Variants in KIF16B observed in about 807,000 individuals in gnomAD.
KIF16B encodes the protein kinesin-like protein KIF16B.
KIF16B carries 98 observed loss-of-function variants against 156.3 expected under a neutral mutation model. The observed-to-expected ratio is 0.63, with a 90% CI of 0.53 to 0.74. The LOEUF (loss-of-function observed/expected upper bound fraction) is 0.74. Among genes scored for constraint, KIF16B ranks in the 30% least tolerant of loss-of-function variants. The pLI, the probability that KIF16B is intolerant of heterozygous loss-of-function variation, is 0.00. For missense variants in KIF16B, 1,421 were observed against 1,606.5 expected, an observed-to-expected ratio of 0.88 and a Z score of 1.97; for synonymous variants, 564 against 583.7, an observed-to-expected ratio of 0.97 and a Z score of 0.49.
At chr20:16,290,246 G>A (rs1001804909) in intron 25 of KIF16B, among the ~76,000 whole-genome samples, 15 of 152,124 alleles carry the variant, frequency 9.9e-5, no homozygotes, top group Non-Finnish European at 8.8e-5. Context: ...TAAAAGACTC[G>A]GCCATCGAGG....
chr20:16,415,761 T>C (rs1455922628), intron 15 of KIF16B, among the ~76,000 whole-genome samples: 1 of 152,150 alleles, frequency 6.6e-6, no homozygotes, highest in African/African-American at 2.4e-5. Flanking sequence ...TACATTCACT[T>C]CAGAATTCAA....
intron 3 of KIF16B, among the ~76,000 whole-genome samples, chr20:16,525,103 C>A (rs6044071): frequency 2.6e-5 from 4 of 151,536 alleles, no homozygotes; most frequent in Admixed American, 1.3e-4. Context: ...TGCAGCAAAC[C>A]GCCATGGCAC....
Position 16,544,238 on chromosome 20 carries a change from C to T in KIF16B, c.48-15798G>A, listed in dbSNP as rs750035160. On this transcript the variant is annotated intron_variant, in intron 1 of 25. Transcript: ENST00000354981. ...TCACAAAGACCCGCCTCTGTGAGTC[C>T]TGGGCCTTGCTCATGCTGGTCCTTC... Among the ~76,000 whole-genome samples the T allele has an allele frequency of 4.6e-5, 7 of 152,100 alleles. No individual in the cohort carries two copies. In the East Asian group the frequency reaches 5.8e-4, roughly 13 times the overall value.
intron 15 of KIF16B, among the ~76,000 whole-genome samples, chr20:16,410,329 G>GTA (rs2065922310): frequency 6.7e-6 from 1 of 149,686 alleles, no homozygotes; most frequent in South Asian, 2.1e-4. Flanking sequence ...GTATATGTGT[G>GTA]TGTGTATGTG....
At position 16,573,323 on chromosome 20, in the gene KIF16B, C is replaced by T. The variant is rs2071527279; in HGVS notation, c.-48G>A. The T allele has an allele frequency of 1.9e-6, 3 of 1,600,424 alleles. No individual in the cohort carries two copies. Among genetic ancestry groups the T allele is most frequent in the Middle Eastern group, 1.7e-4 (1 of 5,920 alleles). On this transcript the variant is annotated 5_prime_UTR_variant, in exon 1 of 26. Coordinates refer to ENST00000354981, the MANE Select transcript of KIF16B (RefSeq NM_024704.5). ...GCGGGGTCCCACTAGCCCAGAACTC[C>T]GCGGTCGCCGGCGACGCTGGCTACT...
At chr20:16,309,488 T>A (rs11906521) in intron 25 of KIF16B, among the ~76,000 whole-genome samples, 3,799 of 152,282 alleles carry the variant, frequency 0.025, 179 homozygotes, top group African/African-American at 0.087. Flanking sequence ...TCTGTTCCTA[T>A]CCATCATTTC....
chr20:16,295,225 C>T (rs892621433), intron 25 of KIF16B, among the ~76,000 whole-genome samples: 1 of 152,142 alleles, frequency 6.6e-6, no homozygotes, highest in Non-Finnish European at 1.5e-5. Flanking sequence ...CCGGGCCAGA[C>T]CATGGTGTCT....
intron 19 of KIF16B, among the ~76,000 whole-genome samples, chr20:16,376,213 A>G (rs1422459031): frequency 6.6e-6 from 1 of 152,208 alleles, no homozygotes; most frequent in Non-Finnish European, 1.5e-5. Context: ...ATTAAGTGTG[A>G]GTATTAACAA....
At chr20:16,373,508 T>G (rs949539642) in intron 20 of KIF16B, among the ~76,000 whole-genome samples, 6 of 152,174 alleles carry the variant, frequency 3.9e-5, no homozygotes, top group Non-Finnish European at 7.3e-5. Context: ...GCCACCTAAG[T>G]TGAAAATCAC....
At chr20:16,347,361 T>C (rs193015431) in intron 23 of KIF16B, among the ~76,000 whole-genome samples, 106 of 152,264 alleles carry the variant, frequency 7.0e-4, no homozygotes, top group Non-Finnish European at 1.2e-3. Context: ...TATAATCTTA[T>C]AATAAAAAAA....
In KIF16B at chr20:16,274,171, G is replaced by T. The variant is rs180814794; in HGVS notation, c.3796-760C>A. Among the ~76,000 whole-genome samples the T allele has an allele frequency of 2.2e-3, 338 of 151,832 alleles. 3 individuals carry two copies. Among genetic ancestry groups the T allele is most frequent in the Non-Finnish European group, 1.6e-3 (108 of 67,962 alleles). On this transcript the variant is annotated intron_variant, in intron 25 of 25. Transcript: ENST00000354981. ...AAATTGCACAGTCAGTATCTGTTTT[G>T]AATCCTTCTTATAAAATAAAGGGAA...
Position 16,326,554 on chromosome 20 carries a change from C to T in KIF16B, c.3711+9372G>A, listed in dbSNP as rs183583775. On this transcript the variant is annotated intron_variant, in intron 24 of 25. Transcript: ENST00000354981. ...CAAAAGAAGATACACAAATGGCCAA[C>T]AAACTTATGAAAAAATGCTCAACAT... is the stretch of plus-strand genomic sequence containing the variant. Among the ~76,000 whole-genome samples the T allele has an allele frequency of 3.1e-3, 467 of 151,716 alleles. 1 individual carries two copies. The highest frequency in any genetic ancestry group is 0.011 in the African/African-American group (450 of 41,440).
intron 25 of KIF16B, among the ~76,000 whole-genome samples, chr20:16,273,825 G>A (rs556092050): frequency 3.1e-4 from 47 of 152,254 alleles, no homozygotes; most frequent in African/African-American, 1.1e-3. Context: ...GCCCTCCACT[G>A]TCCCACCTAT....
At chr20:16,376,611 A>G (rs1204589621) in intron 19 of KIF16B, among the ~76,000 whole-genome samples, 5 of 152,220 alleles carry the variant, frequency 3.3e-5, no homozygotes, top group African/African-American at 7.2e-5. Context: ...AGCTAAGTCT[A>G]TTTCATCAAA....
intron 23 of KIF16B, among the ~76,000 whole-genome samples, chr20:16,348,317 T>A (rs977162310): frequency 6.6e-6 from 1 of 152,210 alleles, no homozygotes; most frequent in Non-Finnish European, 1.5e-5. Flanking sequence ...TATGGCTCAG[T>A]GCACTTAGAC....
At chr20:16,524,135 C>T (rs2069449115) in intron 3 of KIF16B, among the ~76,000 whole-genome samples, 1 of 152,148 alleles carries the variant, frequency 6.6e-6, no homozygotes, top group South Asian at 2.1e-4. Context: ...ACGACTAAAA[C>T]ACCAAAAGCA....
At chr20:16,303,733 T>G (rs1229681568) in intron 25 of KIF16B, among the ~76,000 whole-genome samples, 1 of 152,180 alleles carries the variant, frequency 6.6e-6, no homozygotes, top group Non-Finnish European at 1.5e-5. Flanking sequence ...TAAAATACTT[T>G]GTAACAAAAC....
At chr20:16,424,665 A>G (rs1180763424) in intron 15 of KIF16B, among the ~76,000 whole-genome samples, 1 of 152,286 alleles carries the variant, frequency 6.6e-6, no homozygotes, top group East Asian at 1.9e-4. Flanking sequence ...AGTAGGCATC[A>G]GCATGAGAGT....
At chr20:16,281,778 T>C (rs1357414965) in intron 25 of KIF16B, among the ~76,000 whole-genome samples, 1 of 151,986 alleles carries the variant, frequency 6.6e-6, no homozygotes, top group Non-Finnish European at 1.5e-5. Context: ...ACACGGTGCC[T>C]CCCCTCCTCC....
Sources: allele counts gnomAD v4.1 joint callset (sites outside exome capture counted in the v4.1 genomes callset), GRCh38; gene constraint gnomAD v4.1.1; transcripts MANE v1.5; gene names NCBI Gene and HGNC (gene_info 2026-07-23, HGNC 2026-07-21).